PDE4D: variants seen among roughly 807,000 people sequenced by gnomAD.
The protein encoded by PDE4D is 3',5'-cyclic-AMP phosphodiesterase 4D.
Under a neutral mutation model 87.4 loss-of-function variants are expected in PDE4D, and 24 were observed. The ratio of observed to expected loss-of-function variants is 0.27; its 90% CI spans 0.20 to 0.39. PDE4D has a LOEUF of 0.39. PDE4D is among the 10% of genes least tolerant of loss of function. The pLI is 1.00. For synonymous variants in PDE4D, 384 were observed against 383.2 expected (o/e 1.00, Z -0.02); for missense variants, 714 against 1,041.0 (o/e 0.69, Z 4.32).
intron 5 of PDE4D, among the ~76,000 whole-genome samples, chr5:59,144,997 G>T (rs944001320): frequency 4.0e-5 from 6 of 149,532 alleles, no homozygotes; most frequent in Non-Finnish European, 8.9e-5. Flanking sequence ...TACAGACTAT[G>T]TATCCATGAA....
At chr5:59,111,674 A>C (rs1270481465) in intron 5 of PDE4D, among the ~76,000 whole-genome samples, 1 of 152,248 alleles carries the variant, frequency 6.6e-6, no homozygotes, top group African/African-American at 2.4e-5. Context: ...AATGAGACAG[A>C]GACCAAAGCC....
chr5:60,319,556 G>T (rs558846448), intron 1 of PDE4D, among the ~76,000 whole-genome samples: 3 of 152,184 alleles, frequency 2.0e-5, no homozygotes, highest in Non-Finnish European at 2.9e-5. Flanking sequence ...AGAAGGAGAG[G>T]TGCTCTGATT....
At chr5:60,017,886 T>C (rs1371566710) in intron 2 of PDE4D, among the ~76,000 whole-genome samples, 2 of 152,222 alleles carry the variant, frequency 1.3e-5, no homozygotes, top group South Asian at 2.1e-4. Flanking sequence ...TCTTCCACAA[T>C]GGTTGAACTA....
At chr5:60,080,718 C>A (rs934526104) in intron 2 of PDE4D, among the ~76,000 whole-genome samples, 1 of 152,196 alleles carries the variant, frequency 6.6e-6, no homozygotes, top group Non-Finnish European at 1.5e-5. Context: ...CCTTGCAACT[C>A]AGGGATGAAG....
intron 1 of PDE4D, among the ~76,000 whole-genome samples, chr5:59,485,696 A>G (rs778087638): frequency 6.6e-5 from 10 of 152,180 alleles, no homozygotes; most frequent in Non-Finnish European, 1.2e-4. Context: ...CCAAGAAGGT[A>G]AAATCTCTAA....
intron 5 of PDE4D, among the ~76,000 whole-genome samples, chr5:59,149,805 A>G (rs1318725882): frequency 7.0e-6 from 1 of 143,070 alleles, no homozygotes; most frequent in African/African-American, 2.6e-5. Context: ...AGAGGTTCCT[A>G]TCACTAGGCC....
rs113459592 is a variant in PDE4D, at chr5:59,203,547, T to G, written c.648-10011A>C. ...GAGATACCTGCACTCCCATGTTTGG[T>G]GCAGCATTAATCACAATAGCCAAAA... On this transcript the variant is annotated intron_variant, in intron 2 of 14. Transcript: ENST00000340635. Among the ~76,000 whole-genome samples, 867 of 152,190 alleles carry G rather than the reference T, an allele frequency of 5.7e-3. 6 individuals carry two copies. Among genetic ancestry groups the G allele is most frequent in the Non-Finnish European group, 1.0e-2 (680 of 68,012 alleles).
chr5:59,011,674 T>G (rs1752840363), intron 6 of PDE4D, among the ~76,000 whole-genome samples: 2 of 152,134 alleles, frequency 1.3e-5, no homozygotes. Context: ...CAAATCTACA[T>G]CTGATTGGTG....
chr5:59,104,212 A>T (rs575838906), intron 5 of PDE4D, among the ~76,000 whole-genome samples: 89 of 152,372 alleles, frequency 5.8e-4, no homozygotes, highest in African/African-American at 2.0e-3. Context: ...TATTGACTGT[A>T]AACTATGAAC....
At chr5:60,257,816 T>G (rs1163128433) in intron 1 of PDE4D, among the ~76,000 whole-genome samples, 2 of 152,006 alleles carry the variant, frequency 1.3e-5, no homozygotes, top group African/African-American at 4.8e-5. Context: ...AGACACAATC[T>G]GTCCCCTCTC....
chr5:59,829,647 A>G (rs1285423618), intron 1 of PDE4D, among the ~76,000 whole-genome samples: 1 of 152,122 alleles, frequency 6.6e-6, no homozygotes, highest in East Asian at 1.9e-4. Context: ...AAAATTCATT[A>G]GTAAGACCTA....
At chr5:60,423,863 C>G (rs1368845729) in intron 1 of PDE4D, among the ~76,000 whole-genome samples, 1 of 152,172 alleles carries the variant, frequency 6.6e-6, no homozygotes, top group Non-Finnish European at 1.5e-5. Flanking sequence ...GATATCACCA[C>G]TGATCCACAG....
intron 5 of PDE4D, among the ~76,000 whole-genome samples, chr5:59,169,064 TG>T (rs150569883): frequency 0.011 from 1,652 of 152,290 alleles, 25 homozygotes; most frequent in African/African-American, 0.038. Context: ...AAGCATTTTT[TG>T]AGAGAGGCTT....
chr5:59,765,007 A>G (rs1455912857), intron 1 of PDE4D, among the ~76,000 whole-genome samples: 1 of 152,122 alleles, frequency 6.6e-6, no homozygotes. Flanking sequence ...TTGATTAATG[A>G]ATTTGTTTAG....
At chr5:59,798,800 T>C (rs1180118405) in intron 1 of PDE4D, among the ~76,000 whole-genome samples, 2 of 152,138 alleles carry the variant, frequency 1.3e-5, no homozygotes, top group African/African-American at 4.8e-5. Flanking sequence ...GAGGGAAGGC[T>C]GGTGGTTGGG....
At chr5:59,930,189 G>A (rs112948059) in intron 3 of PDE4D, among the ~76,000 whole-genome samples, 3,039 of 142,104 alleles carry the variant, frequency 0.021, 119 homozygotes, top group African/African-American at 0.079. Flanking sequence ...AAAAAAAACC[G>A]GCCCCATAAC....
At chr5:59,676,416 T>C (rs1249029417) in intron 1 of PDE4D, among the ~76,000 whole-genome samples, 5 of 152,216 alleles carry the variant, frequency 3.3e-5, no homozygotes, top group Non-Finnish European at 7.3e-5. Flanking sequence ...TATTAACAGC[T>C]TTCTCTTATC....
chr5:60,369,979 C>T (rs184703385), intron 1 of PDE4D, among the ~76,000 whole-genome samples: 5 of 152,152 alleles, frequency 3.3e-5, no homozygotes, highest in Admixed American at 2.0e-4. Context: ...TGTAATTAGG[C>T]CTTATCATGA....
intron 1 of PDE4D, among the ~76,000 whole-genome samples, chr5:59,300,204 T>C (rs1294073963): frequency 1.3e-5 from 2 of 151,746 alleles, no homozygotes; most frequent in Non-Finnish European, 2.9e-5. Context: ...TTATTTCATG[T>C]GTGTATTAAG....
Sources: allele counts gnomAD v4.1 joint callset (sites outside exome capture counted in the v4.1 genomes callset), GRCh38; gene constraint gnomAD v4.1.1; transcripts MANE v1.5; gene names NCBI Gene and HGNC (gene_info 2026-07-23, HGNC 2026-07-21).